Variants in SIMC1 observed in about 807,000 individuals in gnomAD.
SIMC1 encodes the protein SUMO-interacting motif-containing protein 1.
Under a neutral mutation model 82.3 loss-of-function variants are expected in SIMC1, and 55 were observed. The observed-to-expected ratio is 0.67, with a 90% CI of 0.54 to 0.84. The LOEUF (loss-of-function observed/expected upper bound fraction) is 0.84. Ranked by LOEUF, SIMC1 falls within the 40% of genes least tolerant of loss-of-function variation. The pLI is 0.00. For synonymous variants in SIMC1, 353 were observed against 426.3 expected, an observed-to-expected ratio of 0.83 and a Z score of 2.12; for missense variants, 915 against 1,107.2, an observed-to-expected ratio of 0.83 and a Z score of 2.46.
intron 1 of SIMC1, among the ~76,000 whole-genome samples, chr5:176,274,491 C>A (rs1482772878): frequency 4.0e-5 from 6 of 151,850 alleles, no homozygotes; most frequent in Non-Finnish European, 2.9e-5. Flanking sequence ...TTTTGCTGTG[C>A]AGAAGCTCTT....
chr5:176,280,529 C>A (rs1327354776), intron 1 of SIMC1, among the ~76,000 whole-genome samples: 1 of 151,956 alleles, frequency 6.6e-6, no homozygotes, highest in African/African-American at 2.4e-5. Context: ...TCTTCCTAGT[C>A]TCGATGGTCT....
chr5:176,323,372 C>G (rs1765244568), intron 6 of SIMC1, among the ~76,000 whole-genome samples: 1 of 152,164 alleles, frequency 6.6e-6, no homozygotes. Context: ...TTTATAAATA[C>G]ATGTTAGTAG....
chr5:176,285,702 C>T lies in SIMC1; in HGVS notation c.130-3952C>T, dbSNP rs1214388803. Among the ~76,000 whole-genome samples, 11 of 152,218 alleles carry T rather than the reference C, an allele frequency of 7.2e-5. No individual in the cohort carries two copies. In the South Asian group the frequency reaches 1.9e-3, roughly 26 times the overall value. ...AGGAAAAGAGGAAGTCAAATTGTCC[C>T]TGTTTGCAGATGACATGATTGTATA... On this transcript the variant is annotated intron_variant, in intron 1 of 9. Transcript: ENST00000429602.
intron 1 of SIMC1, among the ~76,000 whole-genome samples, chr5:176,243,225 A>G (rs1298779674): frequency 6.6e-6 from 1 of 152,102 alleles, no homozygotes; most frequent in Non-Finnish European, 1.5e-5. Context: ...AAGAGTTAAT[A>G]TTTGACCTGA....
rs1317008869 is a variant in SIMC1, at chr5:176,324,649, G to A, written c.2063G>A (p.Arg688Lys). The A allele has an allele frequency of 2.5e-6, 4 of 1,611,514 alleles. No individual in the cohort carries two copies. In the African/African-American group the frequency reaches 5.3e-5, roughly 22 times the overall value. ...TNQLIVCQLQ[R>K]MLSIAVEVDR... ...CTCAGGATTGTGTGCCAGCTTCAGA[G>A]GATGCTCTCCATAGCCGTAGAGGTG... is the stretch of plus-strand genomic sequence containing the variant. Residue 688 changes from arginine (R) to lysine (K), a missense_variant, in exon 7 of 10, where the codon AGG becomes AAG. By Grantham distance (26) the Arg-to-Lys change is conservative. Around this residue, in one of 2 missense-constraint regions of SIMC1, gnomAD observed 902 missense variants for 1,040.3 expected, o/e 0.87. Transcript: ENST00000429602.
chr5:176,271,522 A>C (rs1211349225), intron 1 of SIMC1, among the ~76,000 whole-genome samples: 2 of 152,148 alleles, frequency 1.3e-5, no homozygotes, highest in African/African-American at 4.8e-5. Context: ...GTGAGAGCTA[A>C]AAATTAGACT....
At chr5:176,311,047 C>T (rs559325485) in intron 4 of SIMC1, among the ~76,000 whole-genome samples, 5 of 152,074 alleles carry the variant, frequency 3.3e-5, no homozygotes, top group Non-Finnish European at 7.4e-5. Context: ...AGACAGAAAG[C>T]AGATGAGTGG....
intron 7 of SIMC1, among the ~76,000 whole-genome samples, chr5:176,330,654 C>G (rs1477924023): frequency 6.6e-6 from 1 of 152,100 alleles, no homozygotes; most frequent in African/African-American, 2.4e-5. Context: ...AAATAGGAAT[C>G]TGTGATTCCA....
At chr5:176,336,466 G>A (rs1302509381) in intron 7 of SIMC1, among the ~76,000 whole-genome samples, 1 of 152,184 alleles carries the variant, frequency 6.6e-6, no homozygotes, top group Non-Finnish European at 1.5e-5. Flanking sequence ...GTGACAATGT[G>A]TAGTAATTAT....
rs1489491502 is a variant in SIMC1, at chr5:176,238,451, G to C, written c.-58G>C. 1 of 988,420 alleles carries C rather than the reference G, an allele frequency of 1.0e-6. No homozygotes were observed. The highest frequency in any genetic ancestry group is 1.2e-6 in the Non-Finnish European group (1 of 817,752). The allele number at this position is 988,420 out of a possible 1,614,324, so 61.2% of individuals were successfully genotyped here. A position where few individuals can be genotyped will look rare whatever the true frequency, so the allele number is the denominator to read the frequency against. ...CCCGCCGCCGCCACCTCAGAAGCAG[G>C]AACCGAAGTCGTCGCCGCCGCCGCC... On this transcript the variant is annotated 5_prime_UTR_variant, in exon 1 of 10. Coordinates refer to ENST00000429602, the MANE Select transcript of SIMC1 (RefSeq NM_001308195.2).
At chr5:176,272,420 A>T (rs1479270895) in intron 1 of SIMC1, among the ~76,000 whole-genome samples, 1 of 151,884 alleles carries the variant, frequency 6.6e-6, no homozygotes, top group East Asian at 1.9e-4. Flanking sequence ...AGGAAGTAAG[A>T]CTTATTTGCA....
rs1481597508 is a variant in SIMC1, at chr5:176,240,632, A to G, written c.129+1995A>G. 5.3e-5 allele frequency among the ~76,000 whole-genome samples: 5 copies of G among 94,064 alleles called. 2 individuals are homozygous for G. The highest frequency in any genetic ancestry group is 1.6e-4 in the African/African-American group (4 of 24,704). 61.7% of individuals were successfully genotyped at this position (94,064 alleles called of 152,430 possible). A position where few individuals can be genotyped will look rare whatever the true frequency, so the allele number is the denominator to read the frequency against. On this transcript the variant is annotated intron_variant, in intron 1 of 9. Coordinates refer to ENST00000429602, the MANE Select transcript of SIMC1 (RefSeq NM_001308195.2). ...TTATCTTTTTTGCAAATTAGATAAG[A>G]GTGGTATGATAACCATGTAAAAGAT...
intron 2 of SIMC1, 141 bp downstream of exon 2, chr5:176,291,096 T>G (rs1258658104): frequency 3.4e-6 from 2 of 581,058 alleles, no homozygotes; most frequent in Non-Finnish European, 6.0e-6. Flanking sequence ...TGAAGACCCA[T>G]TCAGTGTAGA....
chr5:176,321,646 C>T (rs1561722556), intron 5 of SIMC1, among the ~76,000 whole-genome samples: 1 of 152,050 alleles, frequency 6.6e-6, no homozygotes, highest in African/African-American at 2.4e-5. Context: ...ACCTTATTAA[C>T]TTGTAGAGCC....
At chr5:176,315,994 G>T (rs2113351919) in intron 5 of SIMC1, among the ~76,000 whole-genome samples, 1 of 151,974 alleles carries the variant, frequency 6.6e-6, no homozygotes, top group African/African-American at 2.4e-5. Flanking sequence ...GGCCAACACG[G>T]TGAAACCCTA....
intron 4 of SIMC1, chr5:176,308,423 G>A (rs1458958348): frequency 6.2e-7 from 1 of 1,607,498 alleles, no homozygotes; most frequent in Non-Finnish European, 8.5e-7. Flanking sequence ...TTGTGGGCTG[G>A]TATCATTCCC....
intron 7 of SIMC1, among the ~76,000 whole-genome samples, chr5:176,329,817 A>G (rs1401844329): frequency 6.6e-6 from 1 of 152,206 alleles, no homozygotes; most frequent in Non-Finnish European, 1.5e-5. Flanking sequence ...ACTGTCAGAG[A>G]AAAGATTTAC....
intron 5 of SIMC1, among the ~76,000 whole-genome samples, chr5:176,321,930 T>G (rs1019316062): frequency 3.4e-5 from 5 of 147,008 alleles, no homozygotes; most frequent in African/African-American, 1.3e-4. Flanking sequence ...CTTGCTGTGT[T>G]GCTCAGGCTG....
intron 7 of SIMC1, among the ~76,000 whole-genome samples, chr5:176,325,407 C>T (rs1388222148): frequency 2.1e-5 from 3 of 142,456 alleles, no homozygotes; most frequent in Non-Finnish European, 3.0e-5. Context: ...AAATAAAGGC[C>T]GGCTGTGGTG....
Sources: allele counts gnomAD v4.1 joint callset (sites outside exome capture counted in the v4.1 genomes callset), GRCh38; gene constraint gnomAD v4.1.1; regional missense constraint gnomAD v4.1.1; transcripts MANE v1.5; gene names NCBI Gene and HGNC (gene_info 2026-07-23, HGNC 2026-07-21).